CRTAC1: variants seen among roughly 807,000 people sequenced by gnomAD.
The protein encoded by CRTAC1 is cartilage acidic protein 1.
CRTAC1 carries 37 observed loss-of-function variants against 67.8 expected under a neutral mutation model. The ratio of observed to expected loss-of-function variants is 0.55; its 90% CI spans 0.42 to 0.72. The LOEUF (loss-of-function observed/expected upper bound fraction) is 0.72. Among genes scored for constraint, CRTAC1 ranks in the 30% least tolerant of loss-of-function variants. The pLI, the probability that CRTAC1 is intolerant of heterozygous loss-of-function variation, is 0.00. For synonymous variants in CRTAC1, 348 were observed against 371.0 expected (o/e 0.94, Z 0.71); for missense variants, 780 against 931.6 (o/e 0.84, Z 2.12).
Position 98,021,184 on chromosome 10 carries a change from C to T in CRTAC1, c.24+9265G>A, listed in dbSNP as rs1469050854. 2.0e-5 allele frequency among the ~76,000 whole-genome samples: 3 copies of T among 152,184 alleles called. No homozygotes were observed. The East Asian group carries it at 5.8e-4, about 29-fold the overall frequency. On this transcript the variant is annotated intron_variant, in intron 1 of 14. Transcript: ENST00000370597. Reference sequence around the variant, plus strand: ...TCTCCACCCTGTCCCCCACCCTTGTCCTCTGTATTGCCAGCCTAAGAGACA... The same window carrying T: ...TCTCCACCCTGTCCCCCACCCTTGTTCTCTGTATTGCCAGCCTAAGAGACA...
chr10:98,012,920 T>A (rs1203335614), intron 1 of CRTAC1, among the ~76,000 whole-genome samples: 1 of 152,242 alleles, frequency 6.6e-6, no homozygotes, highest in African/African-American at 2.4e-5. Flanking sequence ...CTGGGTTTTC[T>A]AATCACTAAA....
intron 2 of CRTAC1, among the ~76,000 whole-genome samples, chr10:97,938,715 T>G (rs2051127286): frequency 6.6e-6 from 1 of 152,224 alleles, no homozygotes; most frequent in Non-Finnish European, 1.5e-5. Context: ...AATAGCACTT[T>G]ACACTTTACA....
chr10:98,024,204 C>T (rs1005107733), intron 1 of CRTAC1, among the ~76,000 whole-genome samples: 2 of 152,256 alleles, frequency 1.3e-5, no homozygotes, highest in African/African-American at 2.4e-5. Flanking sequence ...CAGTGATTCC[C>T]ATGACCTTGT....
chr10:97,918,067 T>G (rs1360246137), intron 4 of CRTAC1, among the ~76,000 whole-genome samples: 1 of 152,090 alleles, frequency 6.6e-6, no homozygotes, highest in Non-Finnish European at 1.5e-5. Flanking sequence ...TCTCAGTCTC[T>G]CTCTCCCATT....
At chr10:97,872,575 G>A (rs1465267830) in intron 14 of CRTAC1, among the ~76,000 whole-genome samples, 1 of 152,194 alleles carries the variant, frequency 6.6e-6, no homozygotes, top group African/African-American at 2.4e-5. Flanking sequence ...GAGAGATCTG[G>A]ACCTCAGGCC....
chr10:97,954,747 T>C (rs1281474510), intron 2 of CRTAC1, among the ~76,000 whole-genome samples: 1 of 152,210 alleles, frequency 6.6e-6, no homozygotes, highest in Admixed American at 6.5e-5. Flanking sequence ...GTCACAGTTC[T>C]GGAGGCTAGA....
At chr10:97,953,474 C>T (rs1377282721) in intron 2 of CRTAC1, among the ~76,000 whole-genome samples, 2 of 152,104 alleles carry the variant, frequency 1.3e-5, no homozygotes, top group Non-Finnish European at 2.9e-5. Context: ...GCCAGCAGAC[C>T]CTCAATGGAG....
chr10:97,949,225 GC>G (rs1265443513), intron 2 of CRTAC1, among the ~76,000 whole-genome samples: 3 of 152,156 alleles, frequency 2.0e-5, no homozygotes, highest in Non-Finnish European at 4.4e-5. Flanking sequence ...GGTAAACAGG[GC>G]CTGAAGGATC....
chr10:98,028,391 C>G (rs1365106060), intron 1 of CRTAC1, among the ~76,000 whole-genome samples: 2 of 152,188 alleles, frequency 1.3e-5, no homozygotes, highest in Admixed American at 1.3e-4. Context: ...GGAGTCTGCT[C>G]CACCTTTAGG....
At chr10:97,923,960 G>A (rs1465707221) in intron 3 of CRTAC1, among the ~76,000 whole-genome samples, 4 of 152,160 alleles carry the variant, frequency 2.6e-5, no homozygotes, top group Admixed American at 1.3e-4. Context: ...GGTGTGATGA[G>A]TTTGGGCAGC....
At chr10:97,943,497 G>T (rs987033332) in intron 2 of CRTAC1, among the ~76,000 whole-genome samples, 1 of 152,166 alleles carries the variant, frequency 6.6e-6, no homozygotes, top group Non-Finnish European at 1.5e-5. Context: ...TCCTCTAAAC[G>T]TTTTTAAAAA....
At chr10:97,951,069 C>A (rs1474220515) in intron 2 of CRTAC1, among the ~76,000 whole-genome samples, 2 of 152,212 alleles carry the variant, frequency 1.3e-5, no homozygotes, top group Non-Finnish European at 2.9e-5. Context: ...ATATAAGTCA[C>A]TGAGTGCCCT....
intron 1 of CRTAC1, among the ~76,000 whole-genome samples, chr10:98,015,521 C>T (rs1008777141): frequency 6.6e-6 from 1 of 152,174 alleles, no homozygotes; most frequent in Non-Finnish European, 1.5e-5. Flanking sequence ...CTGTGTATTT[C>T]ATCACAATAA....
chr10:97,881,022 T>C (rs565944145), intron 13 of CRTAC1, among the ~76,000 whole-genome samples: 1 of 152,302 alleles, frequency 6.6e-6, no homozygotes, highest in East Asian at 1.9e-4. Context: ...CACCACCCAA[T>C]TTCCTGCCAT....
intron 11 of CRTAC1, 187 bp from the exon 12 acceptor site, chr10:97,884,538 C>T (rs1434564445): frequency 1.7e-6 from 1 of 605,148 alleles, no homozygotes; most frequent in Non-Finnish European, 2.9e-6. Context: ...TCCAATAGAC[C>T]TGTCTGTCTG....
At chr10:97,943,170 C>T (rs955835101) in intron 2 of CRTAC1, among the ~76,000 whole-genome samples, 8 of 151,568 alleles carry the variant, frequency 5.3e-5, no homozygotes, top group African/African-American at 1.9e-4. Context: ...TATGAATGCA[C>T]AAAGAGTGCA....
intron 14 of CRTAC1, chr10:97,879,516 T>A: frequency 1.3e-6 from 1 of 754,458 alleles, no homozygotes; most frequent in Non-Finnish European, 2.0e-6. Flanking sequence ...GTTGTGTCAG[T>A]ATCGCCCAAC....
rs532719883 is a variant in CRTAC1 at position 97,919,035 on chromosome 10, C to A, written c.559-1379G>T. On this transcript the variant is annotated intron_variant, in intron 4 of 14. Coordinates refer to ENST00000370597, the MANE Select transcript of CRTAC1 (RefSeq NM_018058.7). ...TCTGACCTCAAGTGATCCACCACCC[C>A]CCCCCGCCTCAGCCTCCCAAAGTGC... Among the ~76,000 whole-genome samples the A allele has an allele frequency of 1.5e-3, 193 of 132,006 alleles. 1 individual carries two copies. The highest frequency in any genetic ancestry group is 5.3e-3 in the African/African-American group (175 of 32,970). 86.6% of individuals were successfully genotyped at this position (132,006 alleles called of 152,430 possible).
At chr10:97,966,813 T>C (rs1052306915) in intron 2 of CRTAC1, among the ~76,000 whole-genome samples, 3 of 152,214 alleles carry the variant, frequency 2.0e-5, no homozygotes, top group African/African-American at 7.2e-5. Context: ...ATTTGTCTGA[T>C]GTTTTTCTCA....
Sources: gnomAD v4.1 joint callset for allele counts (sites outside exome capture counted in the v4.1 genomes callset) on GRCh38, gnomAD v4.1.1 for gene constraint, MANE v1.5 for transcripts, NCBI Gene and HGNC (gene_info 2026-07-23, HGNC 2026-07-21) for gene names.